PRRX2: variants seen among roughly 807,000 people sequenced by gnomAD.
PRRX2 encodes the protein paired related homeobox 2.
A neutral mutation model predicts 18.0 loss-of-function variants in PRRX2; 11 were observed. The ratio of observed to expected loss-of-function variants is 0.61; its 90% CI spans 0.39 to 1.01. The LOEUF is 1.01. PRRX2 is among the 50% of genes least tolerant of loss of function. The probability of loss-of-function intolerance (pLI) is 0.01; values close to 1 mark genes in which losing one functional copy is unlikely to be tolerated. For synonymous variants in PRRX2, 177 were observed against 154.8 expected, an observed-to-expected ratio of 1.14 and a Z score of -1.06; for missense variants, 387 against 351.0, an observed-to-expected ratio of 1.10 and a Z score of -0.82.
rs72770220 is a variant in PRRX2 at position 129,685,379 on chromosome 9, T to C, written c.259+19253T>C. Among the ~76,000 whole-genome samples, 677 of 152,340 alleles carry C rather than the reference T, an allele frequency of 4.4e-3. 2 individuals carry two copies. Among genetic ancestry groups the C allele is most frequent in the Middle Eastern group, 0.014 (4 of 294 alleles). ...GTTCATTTCCTTTTTTTATTTTTAT[T>C]TTTTTGAGGCAGGGTCTCACTCTGT... is the stretch of plus-strand genomic sequence containing the variant. On this transcript the variant is annotated intron_variant, in intron 1 of 3. Coordinates refer to ENST00000372469, the MANE Select transcript of PRRX2 (RefSeq NM_016307.4).
chr9:129,679,066 A>G (rs1832196505), intron 1 of PRRX2, among the ~76,000 whole-genome samples: 1 of 152,156 alleles, frequency 6.6e-6, no homozygotes, highest in South Asian at 2.1e-4. Context: ...GCAGTCCACC[A>G]CGTGCAGGAC....
intron 1 of PRRX2, among the ~76,000 whole-genome samples, chr9:129,678,248 G>A (rs149175540): frequency 1.4e-4 from 22 of 152,348 alleles, no homozygotes; most frequent in African/African-American, 4.8e-4. Context: ...ACAAGCGTGA[G>A]CCACTGTGCC....
rs1040389166 is a variant in PRRX2 at position 129,668,050 on chromosome 9, T to C, written c.259+1924T>C. Among the ~76,000 whole-genome samples the C allele has an allele frequency of 2.0e-5, 3 of 152,300 alleles. No homozygotes were observed. In the East Asian group the frequency reaches 5.8e-4, roughly 29 times the overall value. ...TCGTGGGCTGGTCCGTCTTGGAAGC[T>C]GCCTAGCTCTGCCCTGAGGACGATG... is the stretch of plus-strand genomic sequence containing the variant. On this transcript the variant is annotated intron_variant, in intron 1 of 3. Transcript: ENST00000372469.
In PRRX2 at chr9:129,709,690, C is replaced by T. The variant is rs996566102; in HGVS notation, c.260-9541C>T. On this transcript the variant is annotated intron_variant, in intron 1 of 3. Transcript: ENST00000372469. This position sits in a 1 kb window ranked among gnomAD's most constrained non-coding sequence, Gnocchi z 4.2. ...GCTGGTAGCTATAAAAATGTGTCAGCGTCACGGGTTTTTGTTCAAAATTAA... is the reference window on the plus strand; with the variant it reads ...GCTGGTAGCTATAAAAATGTGTCAGTGTCACGGGTTTTTGTTCAAAATTAA... Among the ~76,000 whole-genome samples, 1 of 152,180 alleles carries T rather than the reference C, an allele frequency of 6.6e-6. No homozygotes were observed. Among genetic ancestry groups the T allele is most frequent in the African/African-American group, 2.4e-5 (1 of 41,446 alleles).
At chr9:129,676,018 A>G (rs1832159379) in intron 1 of PRRX2, among the ~76,000 whole-genome samples, 1 of 152,140 alleles carries the variant, frequency 6.6e-6, no homozygotes, top group African/African-American at 2.4e-5. Context: ...CCGGTGGGCA[A>G]CTCAGCCTCA....
At chr9:129,692,028 C>T (rs1030877284) in intron 1 of PRRX2, among the ~76,000 whole-genome samples, 2 of 151,718 alleles carry the variant, frequency 1.3e-5, no homozygotes, top group African/African-American at 4.9e-5. Flanking sequence ...ACTGCAATCT[C>T]CACCTCCTGG....
rs1564147470 is a variant in PRRX2 at position 129,684,519 on chromosome 9, CACACCCACACACA to C, written c.259+18394_259+18406del. On this transcript the variant is annotated intron_variant, in intron 1 of 3. Transcript: ENST00000372469. Reference sequence around the variant, plus strand: ...ACACACACACACACACACACACACACACACCCACACACACCCCAACAGAAAAGAGACCAGAAAT... The same window carrying C: ...ACACACACACACACACACACACACACCCCCAACAGAAAAGAGACCAGAAAT... Among the ~76,000 whole-genome samples, 163 of 37,718 alleles carry C rather than the reference CACACCCACACACA, an allele frequency of 4.3e-3. 2 individuals are homozygous for C. The East Asian group carries it at 0.061, about 14-fold the overall frequency. 24.7% of individuals were successfully genotyped at this position (37,718 alleles called of 152,430 possible). A position where few individuals can be genotyped will look rare whatever the true frequency, so the allele number is the denominator to read the frequency against.
chr9:129,680,925 T>G (rs1461140595), intron 1 of PRRX2, among the ~76,000 whole-genome samples: 1 of 152,272 alleles, frequency 6.6e-6, no homozygotes, highest in Non-Finnish European at 1.5e-5. Context: ...CAACTGTTTT[T>G]GTAATGTGGT....
In PRRX2 at chr9:129,709,543, G is replaced by A. The variant is rs764078257; in HGVS notation, c.260-9688G>A. ...GGTGGCCCATGCCTCTCGCTCTTGT[G>A]TGCTGTGCCGAGGCCGGGGAAGCCA... is the stretch of plus-strand genomic sequence containing the variant. On this transcript the variant is annotated intron_variant, in intron 1 of 3. Transcript: ENST00000372469. The surrounding 1 kb of genome is among the most constrained non-coding windows in gnomAD (Gnocchi z 4.2). 2.0e-5 allele frequency among the ~76,000 whole-genome samples: 3 copies of A among 152,196 alleles called. No individual in the cohort carries two copies. The highest frequency in any genetic ancestry group is 7.2e-5 in the African/African-American group (3 of 41,448).
Position 129,719,218 on chromosome 9 carries a change from C to CT in PRRX2, c.260-13_260-12insT, listed in dbSNP as rs757564666. 24 of 1,558,252 alleles carry CT rather than the reference C, an allele frequency of 1.5e-5. No homozygotes were observed. In the South Asian group the frequency reaches 2.5e-4, roughly 16 times the overall value. ...CCGTCCTGCTGACCATCCCGCCCCC[C>CT]CAACCTCCGCAGGTGAGTGTCCCAG... On this transcript the variant is annotated splice_polypyrimidine_tract_variant and intron_variant, in intron 1 of 3. Transcript: ENST00000372469.
chr9:129,677,643 A>AG (rs1222747274), intron 1 of PRRX2, among the ~76,000 whole-genome samples: 1 of 152,080 alleles, frequency 6.6e-6, no homozygotes, highest in Non-Finnish European at 1.5e-5. Context: ...TGTGATGGGG[A>AG]GGGGGGTGAC....
At chr9:129,714,158 T>G (rs1832673490) in intron 1 of PRRX2, among the ~76,000 whole-genome samples, 2 of 151,176 alleles carry the variant, frequency 1.3e-5, no homozygotes, top group Non-Finnish European at 2.9e-5. Flanking sequence ...CAAAAAAAAT[T>G]AGCCAGGCAT....
intron 1 of PRRX2, among the ~76,000 whole-genome samples, chr9:129,687,042 G>T (rs375473335): frequency 4.1e-4 from 62 of 152,114 alleles, no homozygotes; most frequent in African/African-American, 1.1e-3. Context: ...CCCTGCAGAG[G>T]GGGTGGGGGA....
intron 1 of PRRX2, among the ~76,000 whole-genome samples, chr9:129,696,056 A>G (rs760181843): frequency 6.6e-6 from 1 of 151,902 alleles, no homozygotes; most frequent in Non-Finnish European, 1.5e-5. Flanking sequence ...CATAGGAGCT[A>G]AAGTCCACAG....
chr9:129,675,385 AC>A lies in PRRX2; in HGVS notation c.259+9264del, dbSNP rs1832151590. ...CTGTCTCTCCCTCACCAGCATCCTG[AC>A]CCCCTCTAGCTTTGGTGGCCAGGGT... On this transcript the variant is annotated intron_variant, in intron 1 of 3. Transcript: ENST00000372469. The surrounding 1 kb of genome is among the most constrained non-coding windows in gnomAD (Gnocchi z 4.4). 6.6e-6 allele frequency among the ~76,000 whole-genome samples: 1 copy of A among 151,918 alleles called. No individual in the cohort carries two copies.
At chr9:129,721,873 G>A (rs35255915) in intron 3 of PRRX2, among the ~76,000 whole-genome samples, 3,508 of 152,030 alleles carry the variant, frequency 0.023, 56 homozygotes, top group Middle Eastern at 0.075. Flanking sequence ...GAGCCACCAC[G>A]CTTGGCCCCA....
chr9:129,710,655 C>T (rs1322081959), intron 1 of PRRX2, among the ~76,000 whole-genome samples: 1 of 152,160 alleles, frequency 6.6e-6, no homozygotes, highest in Non-Finnish European at 1.5e-5. Context: ...ATCGTTTGAA[C>T]CTGGGAGGCG....
intron 3 of PRRX2, 101 bp downstream of exon 3, chr9:129,720,875 T>A (rs1832781701): frequency 2.3e-6 from 3 of 1,289,342 alleles, no homozygotes; most frequent in Non-Finnish European, 3.1e-6. Flanking sequence ...AGAGCTTGAA[T>A]GGTGTCCACG....
At chr9:129,719,617 C>T (rs1588177865) in intron 2 of PRRX2, among the ~76,000 whole-genome samples, 199 bp downstream of exon 2, 1 of 152,268 alleles carries the variant, frequency 6.6e-6, no homozygotes, top group East Asian at 1.9e-4. Context: ...GTCTGTGCTG[C>T]AGGCACCTGC....
Sources: gnomAD v4.1 joint callset for allele counts (sites outside exome capture counted in the v4.1 genomes callset) on GRCh38, gnomAD v4.1.1 for gene constraint, Gnocchi (gnomAD v3.1) non-coding constraint, MANE v1.5 for transcripts, NCBI Gene and HGNC (gene_info 2026-07-23, HGNC 2026-07-21) for gene names.